Variants in ACAN observed in about 807,000 individuals in gnomAD.
The protein encoded by ACAN is aggrecan, also known as aggrecan core protein.
ACAN carries 47 observed loss-of-function variants against 169.1 expected under a neutral mutation model. That is an observed-to-expected ratio of 0.28 (90% CI 0.22 to 0.35). The LOEUF (loss-of-function observed/expected upper bound fraction) is 0.35, where lower values mean the gene tolerates loss of function less well. ACAN is among the 10% of genes least tolerant of loss of function. ACAN has a pLI of 1.00. For synonymous variants in ACAN, 1,115 were observed against 1,112.2 expected, an observed-to-expected ratio of 1.00 and a Z score of -0.05; for missense variants, 2,716 against 2,759.9, an observed-to-expected ratio of 0.98 and a Z score of 0.36.
intron 1 of ACAN, among the ~76,000 whole-genome samples, chr15:88,833,742 C>CTCT (rs1896426106): frequency 6.6e-6 from 1 of 151,476 alleles, no homozygotes; most frequent in African/African-American, 2.4e-5. Context: ...CACTCTCCTC[C>CTCT]CCACCTCTTT....
In ACAN at chr15:88,874,023, C is replaced by G; in HGVS notation, c.7629C>G (p.Asp2543Glu). The G allele has an allele frequency of 6.2e-7, 1 of 1,609,922 alleles. No individual in the cohort carries two copies. The highest frequency in any genetic ancestry group is 8.5e-7 in the Non-Finnish European group (1 of 1,179,734). ...AGGAGCCTCAGATCACCTGCACAGA[C>G]CGTGAGCATCACCCCGGCCATCTCG... The part of the protein sequence containing the change: ...HWEEPQITCT[D>E]PTTYKRRLQK... The change falls in exon 18 of 19, where the codon GAC becomes GAG. Residue 2543 changes from aspartate to glutamate, a missense_variant and splice_region_variant. Coordinates refer to ENST00000560601, the MANE Select transcript of ACAN (RefSeq NM_001369268.1). The surrounding 1 kb of genome is among the most constrained non-coding windows in gnomAD (Gnocchi z 7.3).
intron 1 of ACAN, among the ~76,000 whole-genome samples, chr15:88,834,770 G>A (rs1234782576): frequency 6.6e-6 from 1 of 152,210 alleles, no homozygotes. Context: ...GGGACTGCAC[G>A]TGTTCTAGGC....
At chr15:88,813,544 A>G (rs960537922) in intron 1 of ACAN, among the ~76,000 whole-genome samples, 2 of 152,214 alleles carry the variant, frequency 1.3e-5, no homozygotes, top group Non-Finnish European at 2.9e-5. Flanking sequence ...TTCTCTCAGT[A>G]GTTCGTGATG....
rs1406163211 is a variant in ACAN at position 88,852,009 on chromosome 15, C to T, written c.2242C>T (p.Pro748Ser). ...NQTEWEPAYTPVGTSPLPGIL... is the reference protein window; with the variant it reads ...NQTEWEPAYTSVGTSPLPGIL... ...GACAGAATGGGAACCAGCCTATACC[C>T]CAGTGGGCACATCCCCGCTGCCAGG... Residue 748 changes from proline to serine, a missense_variant, in exon 11 of 19, where the codon CCA becomes TCA. Coordinates refer to ENST00000560601, the MANE Select transcript of ACAN (RefSeq NM_001369268.1). The T allele has an allele frequency of 1.9e-6, 3 of 1,608,012 alleles. No homozygotes were observed. The highest frequency in any genetic ancestry group is 1.7e-6 in the Non-Finnish European group (2 of 1,177,274).
At chr15:88,847,562 C>A (rs539184231) in intron 8 of ACAN, 145 bp downstream of exon 8, 2 of 1,071,788 alleles carry the variant, frequency 1.9e-6, no homozygotes, top group East Asian at 5.4e-5. Context: ...AGGCATATCC[C>A]GAAAGGGTGG....
Position 88,803,444 on chromosome 15 carries a change from A to G in ACAN, c.-373A>G, listed in dbSNP as rs1370747712. Reference sequence around the variant, plus strand: ...GCGCGCCATGCCCGCCCGCCCGCCCACCTACCTCCCCGCCGCTCCAGAGGG... The same window carrying G: ...GCGCGCCATGCCCGCCCGCCCGCCCGCCTACCTCCCCGCCGCTCCAGAGGG... On this transcript the variant is annotated 5_prime_UTR_variant, in exon 1 of 19. Transcript: ENST00000560601. The G allele has an allele frequency of 2.2e-5, 1 of 46,338 alleles. No homozygotes were observed. Among genetic ancestry groups the G allele is most frequent in the East Asian group, 9.0e-4 (1 of 1,112 alleles). The allele number at this position is 46,338 out of a possible 1,614,324, so 2.9% of individuals were successfully genotyped here. A position where few individuals can be genotyped will look rare whatever the true frequency, so the allele number is the denominator to read the frequency against.
chr15:88,832,714 T>G lies in ACAN; in HGVS notation c.-7-3486T>G, dbSNP rs150271564. 3.7e-3 allele frequency among the ~76,000 whole-genome samples: 563 copies of G among 152,368 alleles called. 4 individuals carry two copies. Among genetic ancestry groups the G allele is most frequent in the African/African-American group, 0.013 (547 of 41,594 alleles). Reference sequence around the variant, plus strand: ...ATGATAATGTTGTGTTTGAAATGAATGCAGTTTTATTATTTATGGAAAGTC... The same window carrying G: ...ATGATAATGTTGTGTTTGAAATGAAGGCAGTTTTATTATTTATGGAAAGTC... On this transcript the variant is annotated intron_variant, in intron 1 of 18. Coordinates refer to ENST00000560601, the MANE Select transcript of ACAN (RefSeq NM_001369268.1).
At position 88,843,569 on chromosome 15, in the gene ACAN, C is replaced by T. The variant is rs776059900; in HGVS notation, c.972C>T (p.Gly324=). ...CCAACTGCGGTGGCAACCTCCTGGG[C>T]GTGAGGACCGTCTACGTGCATGCCA... ...ARPNCGGNLL[G]VRTVYVHANQ... The change falls in exon 6 of 19, where the codon GGC becomes GGT. Residue 324 remains glycine (G), a synonymous_variant. Coordinates refer to ENST00000560601, the MANE Select transcript of ACAN (RefSeq NM_001369268.1). The surrounding 1 kb of genome is among the most constrained non-coding windows in gnomAD (Gnocchi z 4.0). The T allele has an allele frequency of 9.3e-6, 15 of 1,612,162 alleles. No individual in the cohort carries two copies. The highest frequency in any genetic ancestry group is 1.6e-4 in the Middle Eastern group (1 of 6,082).
chr15:88,836,882 C>T (rs913137398), intron 2 of ACAN, among the ~76,000 whole-genome samples: 5 of 152,230 alleles, frequency 3.3e-5, no homozygotes, highest in Admixed American at 2.6e-4. Flanking sequence ...TATGTCTTCC[C>T]CAGGCCCAGA....
At chr15:88,831,468 G>A (rs1298202056) in intron 1 of ACAN, among the ~76,000 whole-genome samples, 1 of 152,236 alleles carries the variant, frequency 6.6e-6, no homozygotes, top group Non-Finnish European at 1.5e-5. Context: ...CGCCCCCCAA[G>A]GCCTAGGGTT....
In ACAN at chr15:88,857,606, C is replaced by A. The variant is rs1488231630; in HGVS notation, c.5021C>A (p.Thr1674Asn). 1.2e-6 allele frequency: 2 copies of A among 1,613,924 alleles called. No homozygotes were observed. The highest frequency in any genetic ancestry group is 1.7e-5 in the Admixed American group (1 of 60,024). ...STLVEVVTASTASELEGRGTI... is the reference protein window; with the variant it reads ...STLVEVVTASNASELEGRGTI... Reference sequence around the variant, plus strand: ...TTGGTGGAAGTGGTCACAGCCTCCACTGCAAGTGAACTGGAAGGGAGGGGA... The same window carrying A: ...TTGGTGGAAGTGGTCACAGCCTCCAATGCAAGTGAACTGGAAGGGAGGGGA... The change falls in exon 12 of 19, where the codon ACT becomes AAT. Residue 1674 changes from threonine to asparagine, a missense_variant. By Grantham distance (65) the Thr-to-Asn change is moderately conservative. Around this residue, in one of 3 missense-constraint regions of ACAN, gnomAD observed 1,389 missense variants for 1,363.7 expected, o/e 1.02. Coordinates refer to ENST00000560601, the MANE Select transcript of ACAN (RefSeq NM_001369268.1).
Position 88,843,294 on chromosome 15 carries a change from G to GTGGT in ACAN, c.758-61_758-60insTGGT. The GTGGT allele has an allele frequency of 7.0e-7, 1 of 1,418,578 alleles. No individual in the cohort carries two copies. The highest frequency in any genetic ancestry group is 9.2e-7 in the Non-Finnish European group (1 of 1,081,936). The allele number at this position is 1,418,578 out of a possible 1,614,324, so 87.9% of individuals were successfully genotyped here. On this transcript the variant is annotated intron_variant, in intron 5 of 18. Transcript: ENST00000560601. This position sits in a 1 kb window ranked among gnomAD's most constrained non-coding sequence, Gnocchi z 4.0. ...TCGTGGAAAAGTGTGGATCTCTCTG[G>GTGGT]GGATGCAGAGCAGGGGGAGGGGGGA...
intron 4 of ACAN, among the ~76,000 whole-genome samples, chr15:88,840,936 A>C (rs1173007382): frequency 1.3e-5 from 2 of 152,168 alleles, no homozygotes; most frequent in Non-Finnish European, 2.9e-5. Flanking sequence ...CGAAGTCAGG[A>C]GATCGAGACC....
chr15:88,822,929 T>C (rs1206961424), intron 1 of ACAN, among the ~76,000 whole-genome samples: 1 of 152,214 alleles, frequency 6.6e-6, no homozygotes, highest in Non-Finnish European at 1.5e-5. Context: ...TCACCCCTTG[T>C]TTCCCTACAG....
chr15:88,805,156 G>C (rs1345868134), intron 1 of ACAN, among the ~76,000 whole-genome samples: 1 of 152,088 alleles, frequency 6.6e-6, no homozygotes, highest in Non-Finnish European at 1.5e-5. Context: ...TCTCTTTCTT[G>C]TCCTGGGTTG....
At position 88,843,729 on chromosome 15, in the gene ACAN, A is replaced by T; in HGVS notation, c.1051+81A>T. 6.7e-7 allele frequency: 1 copy of T among 1,490,606 alleles called. No individual in the cohort carries two copies. Among genetic ancestry groups the T allele is most frequent in the East Asian group, 2.3e-5 (1 of 43,154 alleles). 92.3% of individuals were successfully genotyped at this position (1,490,606 alleles called of 1,614,324 possible). ...AGGGAAGAGGGGATCTTGGAAAGGGAGGGTTGGTTTTTGCCCTTGAAGGGG... is the reference window on the plus strand; with the variant it reads ...AGGGAAGAGGGGATCTTGGAAAGGGTGGGTTGGTTTTTGCCCTTGAAGGGG... On this transcript the variant is annotated intron_variant, in intron 6 of 18. Coordinates refer to ENST00000560601, the MANE Select transcript of ACAN (RefSeq NM_001369268.1). The surrounding 1 kb of genome is among the most constrained non-coding windows in gnomAD (Gnocchi z 4.0).
chr15:88,837,006 T>C (rs963467070), intron 2 of ACAN, among the ~76,000 whole-genome samples: 8 of 152,208 alleles, frequency 5.3e-5, no homozygotes, highest in African/African-American at 1.7e-4. Flanking sequence ...TCTGCCCAAA[T>C]CTGCACTTCC....
intron 6 of ACAN, among the ~76,000 whole-genome samples, chr15:88,844,287 T>C (rs905238693): frequency 2.1e-5 from 3 of 142,032 alleles, no homozygotes; most frequent in Admixed American, 7.1e-5. Context: ...GGCACCACCA[T>C]GCTTTGCTTT....
At position 88,848,000 on chromosome 15, in the gene ACAN, A is replaced by G. The variant is rs569388356; in HGVS notation, c.1694A>G (p.Glu565Gly). 1.2e-6 allele frequency: 2 copies of G among 1,613,960 alleles called. No individual in the cohort carries two copies. Among genetic ancestry groups the G allele is most frequent in the African/African-American group, 2.7e-5 (2 of 75,044 alleles). Residue 565 changes from glutamate (E) to glycine (G), a missense_variant, in exon 9 of 19, where the codon GAG (glutamate) becomes GGG (glycine). Around this residue, in one of 3 missense-constraint regions of ACAN, gnomAD observed 1,283 missense variants for 1,281.5 expected, o/e 1.00. Transcript: ENST00000560601. ...ACCTATGGCGTGCGCCCATCAACAG[A>G]GACCTACGATGTCTACTGCTTTGTA... The part of the protein sequence containing the change: ...VRTYGVRPST[E>G]TYDVYCFVDR...
Sources: allele counts gnomAD v4.1 joint callset (sites outside exome capture counted in the v4.1 genomes callset), GRCh38; gene constraint gnomAD v4.1.1; regional missense constraint gnomAD v4.1.1; non-coding constraint Gnocchi (gnomAD v3.1); transcripts MANE v1.5; gene names NCBI Gene and HGNC (gene_info 2026-07-23, HGNC 2026-07-21).